The following FASLG variants were observed in gnomAD, a reference collection of about 807,000 sequenced individuals.
FASLG encodes tumor necrosis factor ligand superfamily member 6.
A neutral mutation model predicts 24.6 loss-of-function variants in FASLG; 9 were observed. The ratio of observed to expected loss-of-function variants is 0.37; its 90% CI spans 0.22 to 0.64. The LOEUF (loss-of-function observed/expected upper bound fraction) is 0.64, where lower values mean the gene tolerates loss of function less well. Among genes scored for constraint, FASLG ranks in the 30% least tolerant of loss-of-function variants. FASLG has a pLI of 0.64. For synonymous variants in FASLG, 130 were observed against 135.5 expected, an observed-to-expected ratio of 0.96 and a Z score of 0.28; for missense variants, 306 against 345.3, an observed-to-expected ratio of 0.89 and a Z score of 0.90.
At position 172,659,133 on chromosome 1, in the gene FASLG, A is replaced by G; in HGVS notation, c.-69A>G. 1 of 1,608,068 alleles carries G rather than the reference A, an allele frequency of 6.2e-7. No individual in the cohort carries two copies. Among genetic ancestry groups the G allele is most frequent in the Admixed American group, 1.7e-5 (1 of 59,160 alleles). On this transcript the variant is annotated 5_prime_UTR_variant, in exon 1 of 4. Coordinates refer to ENST00000367721, the MANE Select transcript of FASLG (RefSeq NM_000639.3). ...TCAGCAACAGGGTCCCGTCCTTGAC[A>G]CCTCAGCCTCTACAGGACTGAGAAG...
At position 172,659,466 on chromosome 1, in the gene FASLG, A is replaced by G. The variant is rs1451250336; in HGVS notation, c.265A>G (p.Met89Val). Residue 89 changes from methionine (M) to valine (V), a missense_variant, in exon 1 of 4, where the codon ATG becomes GTG. Coordinates refer to ENST00000367721, the MANE Select transcript of FASLG (RefSeq NM_000639.3). ...TGLCLLVMFF[M>V]VLVALVGLGL... ...CCTGTGTCTCCTTGTGATGTTTTTCATGGTTCTGGTTGCCTTGGTAGGATT... is the reference window on the plus strand; with the variant it reads ...CCTGTGTCTCCTTGTGATGTTTTTCGTGGTTCTGGTTGCCTTGGTAGGATT... 2 of 1,613,894 alleles carry G rather than the reference A, an allele frequency of 1.2e-6. No homozygotes were observed. The highest frequency in any genetic ancestry group is 2.2e-5 in the East Asian group (1 of 44,852).
intron 3 of FASLG, 67 bp from the exon 4 acceptor site, chr1:172,665,555 C>A: frequency 6.3e-7 from 1 of 1,586,402 alleles, no homozygotes; most frequent in South Asian, 1.1e-5. Flanking sequence ...ACAGTTTTGC[C>A]TTAGAAACTT....
At chr1:172,664,264 T>C in intron 2 of FASLG, 70 bp from the exon 3 acceptor site, 1 of 1,519,078 alleles carries the variant, frequency 6.6e-7, no homozygotes, top group Non-Finnish European at 9.1e-7. Context: ...AATGATTGGA[T>C]TTAAATTCCC....
rs1426795799 is a variant in FASLG at position 172,666,246 on chromosome 1, A to G, written c.*230A>G. 1 of 561,018 alleles carries G rather than the reference A, an allele frequency of 1.8e-6. No individual in the cohort carries two copies. Among genetic ancestry groups the G allele is most frequent in the Non-Finnish European group, 3.2e-6 (1 of 315,988 alleles). The allele number at this position is 561,018 out of a possible 1,614,324, so 34.8% of individuals were successfully genotyped here. Reference sequence around the variant, plus strand: ...GAAGAACATAGAACTCTGGGCTGCCATGTGAAGAGGGAGAAGCATGAAAAA... The same window carrying G: ...GAAGAACATAGAACTCTGGGCTGCCGTGTGAAGAGGGAGAAGCATGAAAAA... On this transcript the variant is annotated 3_prime_UTR_variant, in exon 4 of 4. Transcript: ENST00000367721.
At position 172,666,022 on chromosome 1, in the gene FASLG, G is replaced by T. The variant is rs373751425; in HGVS notation, c.*6G>T. The T allele has an allele frequency of 6.2e-7, 1 of 1,613,884 alleles. No individual in the cohort carries two copies. Among genetic ancestry groups the T allele is most frequent in the Non-Finnish European group, 8.5e-7 (1 of 1,180,002 alleles). Reference sequence around the variant, plus strand: ...TCGGCTTATATAAGCTCTAAGAGAAGCACTTTGGGATTCTTTCCATTATGA... The same window carrying T: ...TCGGCTTATATAAGCTCTAAGAGAATCACTTTGGGATTCTTTCCATTATGA... On this transcript the variant is annotated 3_prime_UTR_variant, in exon 4 of 4. Transcript: ENST00000367721.
At chr1:172,661,226 C>T (rs1659130992) in intron 2 of FASLG, among the ~76,000 whole-genome samples, 1 of 152,132 alleles carries the variant, frequency 6.6e-6, no homozygotes, top group Non-Finnish European at 1.5e-5. Context: ...AGATCTCATC[C>T]TTAGAAACTC....
At chr1:172,663,263 G>A (rs1383791384) in intron 2 of FASLG, among the ~76,000 whole-genome samples, 1 of 152,026 alleles carries the variant, frequency 6.6e-6, no homozygotes, top group Non-Finnish European at 1.5e-5. Flanking sequence ...TTAGAAACTG[G>A]GCTTCTCTGG....
chr1:172,660,244 A>G lies in FASLG; in HGVS notation c.394+104A>G, dbSNP rs74575026. On this transcript the variant is annotated intron_variant, in intron 2 of 3. Coordinates refer to ENST00000367721, the MANE Select transcript of FASLG (RefSeq NM_000639.3). ...TTCTGTCCCACACTTTGGTTTCTGT[A>G]CACTATAAGAGGAATTCTGGCTAAT... 3,470 of 1,143,680 alleles carry G rather than the reference A, an allele frequency of 3.0e-3. 97 individuals are homozygous for G. In the East Asian group the frequency reaches 0.068, roughly 22 times the overall value. The allele number at this position is 1,143,680 out of a possible 1,614,324, so 70.8% of individuals were successfully genotyped here. A position where few individuals can be genotyped will look rare whatever the true frequency, so the allele number is the denominator to read the frequency against.
intron 2 of FASLG, among the ~76,000 whole-genome samples, chr1:172,661,762 A>C (rs997875419): frequency 7.9e-5 from 12 of 152,184 alleles, no homozygotes; most frequent in Admixed American, 7.2e-4. Flanking sequence ...CAAATTAATA[A>C]AGATTAAAAA....
At position 172,659,186 on chromosome 1, in the gene FASLG, T is replaced by C. The variant is rs781373207; in HGVS notation, c.-16T>C. 49 of 1,614,176 alleles carry C rather than the reference T, an allele frequency of 3.0e-5. No homozygotes were observed. The South Asian group carries it at 5.4e-4, about 18-fold the overall frequency. ...GTAAAACCGTTTGCTGGGGCTGGCC[T>C]GACTCACCAGCTGCCATGCAGCAGC... On this transcript the variant is annotated 5_prime_UTR_variant, in exon 1 of 4. Transcript: ENST00000367721.
rs575013466 is a variant in FASLG at position 172,659,316 on chromosome 1, A to C, written c.115A>C (p.Arg39=). The C allele has an allele frequency of 1.2e-6, 2 of 1,613,994 alleles. No homozygotes were observed. The highest frequency in any genetic ancestry group is 1.3e-5 in the African/African-American group (1 of 75,020). Residue 39 remains arginine, a synonymous_variant, in exon 1 of 4, where the codon AGG becomes CGG. Transcript: ENST00000367721. ...VLPCPTSVPR[R]PGQRRPPPPP... is the part of the protein sequence containing the mutation. ...TCCCTGTCCAACCTCTGTGCCCAGA[A>C]GGCCTGGTCAAAGGAGGCCACCACC...
chr1:172,666,109 G>A lies in FASLG; in HGVS notation c.*93G>A. 6.6e-7 allele frequency: 1 copy of A among 1,508,832 alleles called. No homozygotes were observed. The highest frequency in any genetic ancestry group is 1.8e-5 in the Admixed American group (1 of 56,752). The allele number at this position is 1,508,832 out of a possible 1,614,324, so 93.5% of individuals were successfully genotyped here. On this transcript the variant is annotated 3_prime_UTR_variant, in exon 4 of 4. Transcript: ENST00000367721. The stretch of plus-strand genomic sequence containing the variant: ...GAGGGTCTTCTTACATGCATTTGAG[G>A]TCAAGTAAGAAGACATGAACCAAGT...
In FASLG at chr1:172,666,070, A is replaced by T. The variant is rs550027918; in HGVS notation, c.*54A>T. The T allele has an allele frequency of 3.3e-4, 537 of 1,605,532 alleles. 2 individuals carry two copies. The highest frequency in any genetic ancestry group is 4.4e-4 in the Non-Finnish European group (519 of 1,176,200). ...TGATTCTTTGTTACAGGCACCGAGA[A>T]TGTTGTATTCAGTGAGGGTCTTCTT... On this transcript the variant is annotated 3_prime_UTR_variant, in exon 4 of 4. Coordinates refer to ENST00000367721, the MANE Select transcript of FASLG (RefSeq NM_000639.3).
rs1659076865 is a variant in FASLG at position 172,659,116 on chromosome 1, A to G, written c.-86A>G. 6 of 1,594,132 alleles carry G rather than the reference A, an allele frequency of 3.8e-6. No individual in the cohort carries two copies. Among genetic ancestry groups the G allele is most frequent in the South Asian group, 1.1e-5 (1 of 88,526 alleles). ...TGCCTCCTCTTGAGCAGTCAGCAAC[A>G]GGGTCCCGTCCTTGACACCTCAGCC... On this transcript the variant is annotated 5_prime_UTR_variant, in exon 1 of 4. Transcript: ENST00000367721.
In FASLG at chr1:172,659,429, C is replaced by A. The variant is rs942814680; in HGVS notation, c.228C>A (p.Asn76Lys). The A allele has an allele frequency of 2.5e-6, 4 of 1,613,550 alleles. No homozygotes were observed. The African/African-American group carries it at 5.3e-5, about 22-fold the overall frequency. ...TGCCACCCCTGAAGAAGAGAGGGAA[C>A]CACAGCACAGGCCTGTGTCTCCTTG... ...LPLPPLKKRGNHSTGLCLLVM... is the reference protein window; with the variant it reads ...LPLPPLKKRGKHSTGLCLLVM... Residue 76 changes from asparagine to lysine, a missense_variant, in exon 1 of 4, where the codon AAC becomes AAA. By Grantham distance (94) the Asn-to-Lys change is moderately conservative (BLOSUM62 0). Transcript: ENST00000367721.
chr1:172,661,329 T>A (rs1487070368), intron 2 of FASLG, among the ~76,000 whole-genome samples: 1 of 152,254 alleles, frequency 6.6e-6, no homozygotes, highest in Non-Finnish European at 1.5e-5. Flanking sequence ...CAGTCGCCTG[T>A]CTACTATCCT....
In FASLG at chr1:172,659,378, G is replaced by A. The variant is rs559795993; in HGVS notation, c.177G>A (p.Pro59=). 1.0e-4 allele frequency: 166 copies of A among 1,610,030 alleles called. 2 individuals are homozygous for A. Among genetic ancestry groups the A allele is most frequent in the South Asian group, 7.1e-4 (64 of 90,724 alleles). ...PPPPPLPPPP[P]PPPLPPLPLP... is the part of the protein sequence containing the mutation. The stretch of plus-strand genomic sequence containing the variant: ...CGCCACCACTACCACCTCCGCCGCC[G>A]CCGCCACCACTGCCTCCACTACCGC... The change falls in exon 1 of 4, where the codon CCG becomes CCA. Residue 59 remains proline, a synonymous_variant. Transcript: ENST00000367721.
In FASLG at chr1:172,665,514, C is replaced by T. The variant is rs116814521; in HGVS notation, c.452-108C>T. On this transcript the variant is annotated intron_variant, in intron 3 of 3. Transcript: ENST00000367721. ...AGCCAGTTCTATACCAGCTGTCATT[C>T]TGGGTGAAACATTTGTTGAAGGAAG... 8.5e-6 allele frequency: 11 copies of T among 1,290,560 alleles called. No homozygotes were observed. In the South Asian group the frequency reaches 1.2e-4, roughly 15 times the overall value. The allele number at this position is 1,290,560 out of a possible 1,614,324, so 79.9% of individuals were successfully genotyped here.
intron 3 of FASLG, among the ~76,000 whole-genome samples, chr1:172,665,065 G>A (rs1319726506): frequency 6.6e-6 from 1 of 152,178 alleles, no homozygotes; most frequent in Non-Finnish European, 1.5e-5. Flanking sequence ...CTTGCCCCCA[G>A]GGAGCTTGAC....
Sources: allele counts gnomAD v4.1 joint callset (sites outside exome capture counted in the v4.1 genomes callset), GRCh38; gene constraint gnomAD v4.1.1; transcripts MANE v1.5; gene names NCBI Gene and HGNC (gene_info 2026-07-23, HGNC 2026-07-21).